HOPX: variants seen among roughly 807,000 people sequenced by gnomAD.
The protein encoded by HOPX is homeodomain-only protein.
Under a neutral mutation model 11.8 loss-of-function variants are expected in HOPX, and 5 were observed. The observed-to-expected ratio is 0.43, with a 90% CI of 0.22 to 0.89. The LOEUF is 0.89. HOPX is among the 40% of genes least tolerant of loss of function. The pLI is 0.28. For missense variants in HOPX, 119 were observed against 120.0 expected, an observed-to-expected ratio of 0.99 and a Z score of 0.04; for synonymous variants, 49 against 49.7, an observed-to-expected ratio of 0.99 and a Z score of 0.06.
intron 1 of HOPX, among the ~76,000 whole-genome samples, chr4:56,670,779 T>G (rs1317098287): frequency 7.2e-5 from 11 of 152,148 alleles, no homozygotes; most frequent in Non-Finnish European, 1.6e-4. Flanking sequence ...AGCGGATTAC[T>G]TGAGGTCAGG....
chr4:56,654,390 T>C (rs1717480499), intron 3 of HOPX, among the ~76,000 whole-genome samples: 1 of 152,246 alleles, frequency 6.6e-6, no homozygotes, highest in South Asian at 2.1e-4. Context: ...TTGTTGGTGC[T>C]GTGCCCACAA....
At chr4:56,675,052 A>T (rs994817017) in intron 1 of HOPX, among the ~76,000 whole-genome samples, 1 of 151,608 alleles carries the variant, frequency 6.6e-6, no homozygotes, top group Admixed American at 6.6e-5. Context: ...TTCTATTGCT[A>T]CCCAAGCATG....
At chr4:56,663,861 G>C (rs897149316) in intron 1 of HOPX, 1 of 152,102 alleles carries the variant, frequency 6.6e-6, no homozygotes, top group African/African-American at 2.4e-5. Flanking sequence ...TTCTAGGTTG[G>C]CTTTCCTCTT....
chr4:56,681,057 TG>T (rs1719299527), intron 1 of HOPX, 197 bp downstream of exon 1: 1 of 985,302 alleles, frequency 1.0e-6, no homozygotes, highest in African/African-American at 1.7e-5. Flanking sequence ...CATGCAGTTT[TG>T]TTTGTAAGGG....
intron 1 of HOPX, among the ~76,000 whole-genome samples, chr4:56,677,309 A>C (rs1719069057): frequency 6.6e-6 from 1 of 151,686 alleles, no homozygotes; most frequent in South Asian, 2.1e-4. Context: ...GAAAACCCAC[A>C]ATCTTGGTAT....
intron 1 of HOPX, among the ~76,000 whole-genome samples, chr4:56,672,369 C>G (rs1374328468): frequency 6.6e-6 from 1 of 150,768 alleles, no homozygotes; most frequent in South Asian, 2.1e-4. Context: ...AGAAACCCCG[C>G]CTCTACTAAA....
chr4:56,659,707 G>T (rs1328147107), intron 1 of HOPX, among the ~76,000 whole-genome samples: 1 of 152,160 alleles, frequency 6.6e-6, no homozygotes, highest in Non-Finnish European at 1.5e-5. Flanking sequence ...TAGAAACCTA[G>T]CACGAGAGAG....
At chr4:56,655,139 G>A (rs868001589) in intron 3 of HOPX, among the ~76,000 whole-genome samples, 13 of 152,296 alleles carry the variant, frequency 8.5e-5, no homozygotes, top group African/African-American at 2.6e-4. Context: ...ATCGGCTGCC[G>A]CTGCCGTCAG....
chr4:56,656,060 C>A (rs757437660), intron 2 of HOPX, 48 bp from the exon 3 acceptor site: 50 of 1,446,020 alleles, frequency 3.5e-5, no homozygotes, highest in Non-Finnish European at 3.3e-5. Context: ...GTGGAGCGGG[C>A]GGGACGCAGC....
At chr4:56,648,894 AG>A in intron 3 of HOPX, 97 bp from the exon 4 acceptor site, 1 of 901,932 alleles carries the variant, frequency 1.1e-6, no homozygotes, top group Non-Finnish European at 1.8e-6. Flanking sequence ...ACAAGTGGAA[AG>A]GAGAGAATCA....
At chr4:56,672,751 T>A (rs1718805578) in intron 1 of HOPX, 1 of 152,052 alleles carries the variant, frequency 6.6e-6, no homozygotes, top group East Asian at 1.9e-4. Context: ...TGCCTCAGCC[T>A]CCCAAAGTGC....
At chr4:56,675,711 A>C (rs1264787892) in intron 1 of HOPX, among the ~76,000 whole-genome samples, 2 of 151,800 alleles carry the variant, frequency 1.3e-5, no homozygotes, top group Admixed American at 6.5e-5. Flanking sequence ...GCCCTTGCCC[A>C]GGAAGACAGC....
At chr4:56,659,748 T>C (rs1460841931) in intron 1 of HOPX, among the ~76,000 whole-genome samples, 1 of 152,220 alleles carries the variant, frequency 6.6e-6, no homozygotes, top group Non-Finnish European at 1.5e-5. Flanking sequence ...CTTAAAAAGA[T>C]TTGCAATTTA....
chr4:56,648,419 T>A lies in HOPX; in HGVS notation c.*301A>T, dbSNP rs1716850317. On this transcript the variant is annotated 3_prime_UTR_variant, in exon 4 of 4. Coordinates refer to ENST00000420433, the MANE Select transcript of HOPX (RefSeq NM_032495.6). ...GCAAATTGCTACTGGGAGGTGATGG[T>A]CAAAAGCAAACTTAGATGGTTTTCA... 1 of 285,368 alleles carries A rather than the reference T, an allele frequency of 3.5e-6. No homozygotes were observed. The highest frequency in any genetic ancestry group is 6.5e-6 in the Non-Finnish European group (1 of 154,438). 17.7% of individuals were successfully genotyped at this position (285,368 alleles called of 1,614,324 possible).
chr4:56,656,521 T>C (rs1251061442), intron 2 of HOPX: 2 of 978,354 alleles, frequency 2.0e-6, no homozygotes, highest in Admixed American at 6.1e-5. Flanking sequence ...GCCTTCTGTC[T>C]CCGCAGTGGG....
At chr4:56,656,292 A>T (rs1399357979) in intron 2 of HOPX, 1 of 1,137,038 alleles carries the variant, frequency 8.8e-7, no homozygotes, top group Non-Finnish European at 1.1e-6. Flanking sequence ...CAGGAACTGT[A>T]TCCCTGCCTG....
intron 3 of HOPX, chr4:56,650,404 T>C (rs964169629): frequency 2.8e-6 from 1 of 351,728 alleles, no homozygotes; most frequent in African/African-American, 2.1e-5. Flanking sequence ...CCTATACAGA[T>C]ACTCAGAATG....
At chr4:56,681,625 C>A, upstream of HOPX, 4 of 1,000,002 alleles carry the variant, frequency 4.0e-6, no homozygotes, top group Non-Finnish European at 3.6e-6. Flanking sequence ...AGAAAAGGGA[C>A]CCTGAGTCTT....
rs539867592 is a variant in HOPX at position 56,659,942 on chromosome 4, G to A, written c.-83-2043C>T. Among the ~76,000 whole-genome samples the A allele has an allele frequency of 1.8e-3, 274 of 152,232 alleles. 2 individuals carry two copies. The highest frequency in any genetic ancestry group is 0.014 in the Middle Eastern group (4 of 294). On this transcript the variant is annotated intron_variant, in intron 1 of 3. Coordinates refer to ENST00000420433, the MANE Select transcript of HOPX (RefSeq NM_032495.6). ...TCTTTTGTATATGTGGTCAGAAATGGGGAAAATGCCTTTAAAATTATAAAT... is the reference window on the plus strand; with the variant it reads ...TCTTTTGTATATGTGGTCAGAAATGAGGAAAATGCCTTTAAAATTATAAAT...
Sources: gnomAD v4.1 joint callset for allele counts (sites outside exome capture counted in the v4.1 genomes callset) on GRCh38, gnomAD v4.1.1 for gene constraint, MANE v1.5 for transcripts, NCBI Gene and HGNC (gene_info 2026-07-23, HGNC 2026-07-21) for gene names.